Variants in TRPV5 observed in about 807,000 individuals in gnomAD.
TRPV5 encodes transient receptor potential cation channel subfamily V member 5.
A neutral mutation model predicts 74.1 loss-of-function variants in TRPV5; 66 were observed. That is an observed-to-expected ratio of 0.89 (90% CI 0.73 to 1.09). The LOEUF is 1.09. Ranked by LOEUF, TRPV5 falls within the 50% of genes least tolerant of loss-of-function variation. The pLI is 0.00. For missense variants in TRPV5, 936 were observed against 930.4 expected (o/e 1.01, Z -0.08); for synonymous variants, 399 against 360.7 (o/e 1.11, Z -1.20).
chr7:142,911,908 T>G (rs557523423), intron 13 of TRPV5, among the ~76,000 whole-genome samples: 3 of 152,208 alleles, frequency 2.0e-5, no homozygotes, highest in Non-Finnish European at 4.4e-5. Context: ...GCGACATAAA[T>G]GTCTAATAAC....
intron 13 of TRPV5, 129 bp from the exon 14 acceptor site, chr7:142,909,725 C>G (rs1162038951): frequency 2.2e-6 from 2 of 920,864 alleles, no homozygotes; most frequent in Non-Finnish European, 1.6e-6. Context: ...GTGGTGAGAA[C>G]AGCCACCTAT....
In TRPV5 at chr7:142,930,401, C is replaced by G; in HGVS notation, c.174G>C (p.Leu58=). Residue 58 remains leucine (L), a synonymous_variant, in exon 2 of 15, where the codon CTG becomes CTC. Transcript: ENST00000265310. ...CCAGTAGAAGTTGCCTAAGAACAGACAGGTCATTTTCCTTGGATGCTCGAA... is the reference window on the plus strand; with the variant it reads ...CCAGTAGAAGTTGCCTAAGAACAGAGAGGTCATTTTCCTTGGATGCTCGAA... ...PLLRASKEND[L]SVLRQLLLDC... is the part of the protein sequence containing the mutation. 1.2e-6 allele frequency: 2 copies of G among 1,614,196 alleles called. No individual in the cohort carries two copies. The highest frequency in any genetic ancestry group is 1.7e-6 in the Non-Finnish European group (2 of 1,180,038).
rs147641995 is a variant in TRPV5 at position 142,929,069 on chromosome 7, C to T, written c.539G>A (p.Arg180Gln). Residue 180 changes from arginine to glutamine, a missense_variant, in exon 5 of 15, where the codon CGG becomes CAG. Coordinates refer to ENST00000265310, the MANE Select transcript of TRPV5 (RefSeq NM_019841.7). Reference sequence around the variant, plus strand: ...GTCAGCTCCATGCTCAATGAGCAGCCGCACGATCTCCTCGCTGTTCACACA... The same window carrying T: ...GTCAGCTCCATGCTCAATGAGCAGCTGCACGATCTCCTCGCTGTTCACACA... ...AACVNSEEIV[R>Q]LLIEHGADIR... 2.5e-5 allele frequency: 40 copies of T among 1,613,972 alleles called. No homozygotes were observed. The East Asian group carries it at 2.9e-4, about 12-fold the overall frequency.
chr7:142,924,565 T>A (rs143179476), intron 8 of TRPV5, among the ~76,000 whole-genome samples: 2 of 151,724 alleles, frequency 1.3e-5, no homozygotes, highest in Non-Finnish European at 2.9e-5. Flanking sequence ...GTTTATATTC[T>A]CTTTCCGACT....
chr7:142,930,957 A>T (rs1247121803), intron 1 of TRPV5, among the ~76,000 whole-genome samples: 1 of 150,556 alleles, frequency 6.6e-6, no homozygotes, highest in Non-Finnish European at 1.5e-5. Context: ...GATCTTTCCT[A>T]GGCATTTTGA....
At chr7:142,911,981 A>G (rs1015401430) in intron 13 of TRPV5, among the ~76,000 whole-genome samples, 4 of 152,204 alleles carry the variant, frequency 2.6e-5, no homozygotes, top group Non-Finnish European at 4.4e-5. Flanking sequence ...TTGCAAGATA[A>G]TAAGGTACTA....
intron 8 of TRPV5, among the ~76,000 whole-genome samples, chr7:142,919,680 T>G (rs1012792632): frequency 1.3e-5 from 2 of 152,208 alleles, no homozygotes; most frequent in African/African-American, 4.8e-5. Flanking sequence ...CAGGCTGGCA[T>G]TTATACGTCA....
chr7:142,930,078 G>A lies in TRPV5; in HGVS notation c.329C>T (p.Thr110Ile), dbSNP rs745595894. Residue 110 changes from threonine to isoleucine, a missense_variant, in exon 3 of 15, where the codon ACC becomes ATC. Coordinates refer to ENST00000265310, the MANE Select transcript of TRPV5 (RefSeq NM_019841.7). ...EAAPELVFEP[T>I]TCEAFAGQTA... ...CTTACCTGCAAAAGCCTCACATGTG[G>A]TGGGCTCAAAGACCAGCTCTGGGGC... 2.5e-6 allele frequency: 4 copies of A among 1,614,008 alleles called. No homozygotes were observed. In the African/African-American group the frequency reaches 5.3e-5, roughly 22 times the overall value.
At position 142,933,642 on chromosome 7, in the gene TRPV5, T is replaced by A. The variant is rs1340864646; in HGVS notation, c.-183A>T. 1.3e-6 allele frequency: 1 copy of A among 751,164 alleles called. No individual in the cohort carries two copies. Among genetic ancestry groups the A allele is most frequent in the Non-Finnish European group, 2.1e-6 (1 of 467,728 alleles). The allele number at this position is 751,164 out of a possible 1,614,324, so 46.5% of individuals were successfully genotyped here. ...GTGTGTGTGCATGCAGTATGTGGGT[T>A]GTGGGGTGTGCGTGTATGCACAGTG... On this transcript the variant is annotated 5_prime_UTR_variant, in exon 1 of 15. Transcript: ENST00000265310.
chr7:142,915,591 A>C, intron 8 of TRPV5, 23 bp from the exon 9 acceptor site: 1 of 1,609,646 alleles, frequency 6.2e-7, no homozygotes, highest in Non-Finnish European at 8.5e-7. Flanking sequence ...ATTCAGAAGA[A>C]GTGCTTTCTG....
intron 14 of TRPV5, 122 bp downstream of exon 14, chr7:142,909,368 C>T (rs1350945831): frequency 1.0e-5 from 10 of 986,536 alleles, no homozygotes; most frequent in Non-Finnish European, 1.5e-5. Flanking sequence ...CGTACCCCTC[C>T]ACTTCAGCTC....
At chr7:142,921,956 T>C (rs921803125) in intron 8 of TRPV5, among the ~76,000 whole-genome samples, 2 of 152,204 alleles carry the variant, frequency 1.3e-5, no homozygotes, top group Non-Finnish European at 2.9e-5. Flanking sequence ...AATTCATACC[T>C]AGATCTCAGC....
In TRPV5 at chr7:142,925,584, C is replaced by T. The variant is rs1285051233; in HGVS notation, c.1067G>A (p.Gly356Asp). 7 of 1,614,154 alleles carry T rather than the reference C, an allele frequency of 4.3e-6. No homozygotes were observed. In the South Asian group the frequency reaches 5.5e-5, roughly 13 times the overall value. ...CCVYRPLKFRGGNRTHSRDIT... is the reference protein window; with the variant it reads ...CCVYRPLKFRDGNRTHSRDIT... ...GTCTCGAGAATGAGTGCGGTTGCCA[C>T]CACGAAACTTAAGGGGGCGGTAGAC... is the stretch of plus-strand genomic sequence containing the variant. Residue 356 changes from glycine (G) to aspartate (D), a missense_variant, in exon 8 of 15, where the codon GGT (glycine) becomes GAT (aspartate). Physicochemically the swap from Gly to Asp is moderately conservative, Grantham distance 94 (BLOSUM62 -1). Transcript: ENST00000265310.
intron 8 of TRPV5, among the ~76,000 whole-genome samples, chr7:142,918,250 T>G (rs576546074): frequency 6.6e-6 from 1 of 152,344 alleles, no homozygotes; most frequent in East Asian, 1.9e-4. Flanking sequence ...AGATGCTGAT[T>G]CACAACTCTC....
intron 5 of TRPV5, 35 bp downstream of exon 5, chr7:142,928,986 CA>C: frequency 6.2e-7 from 1 of 1,613,434 alleles, no homozygotes; most frequent in South Asian, 1.1e-5. Flanking sequence ...TCGCTCCCCA[CA>C]GCATCCCAGC....
Position 142,908,724 on chromosome 7 carries a change from C to A in TRPV5, c.1980G>T (p.Gln660His). 1 of 1,614,156 alleles carries A rather than the reference C, an allele frequency of 6.2e-7. No homozygotes were observed. The highest frequency in any genetic ancestry group is 8.5e-7 in the Non-Finnish European group (1 of 1,180,030). The stretch of plus-strand genomic sequence containing the variant: ...AGGGCTGTTTCTCAGATGGATGCTC[C>A]TGGTCATCCTCCTTGTCTGAGTTCT... ...VFKNSDKEDD[Q>H]EHPSEKQPSG... Residue 660 changes from glutamine to histidine, a missense_variant, in exon 15 of 15, where the codon CAG becomes CAT. Gln to His is a conservative substitution (Grantham distance 24). Coordinates refer to ENST00000265310, the MANE Select transcript of TRPV5 (RefSeq NM_019841.7).
intron 8 of TRPV5, among the ~76,000 whole-genome samples, chr7:142,920,540 G>A (rs1256686090): frequency 1.3e-5 from 2 of 152,194 alleles, no homozygotes; most frequent in Admixed American, 1.3e-4. Context: ...CTAGCCAATA[G>A]AGAAGACTGG....
chr7:142,910,119 C>G (rs1420044340), intron 13 of TRPV5, among the ~76,000 whole-genome samples: 2 of 152,134 alleles, frequency 1.3e-5, no homozygotes, highest in Non-Finnish European at 2.9e-5. Context: ...TCATTAATTA[C>G]TTAGATGAAA....
Position 142,914,690 on chromosome 7 carries a change from A to G in TRPV5, c.1469T>C (p.Leu490Pro). ...AGCCATCAGCCAGCAGAAACGCATT[A>G]GGTCTCCAAAAATCATCTGCAGGAA... Reference protein sequence around the residue: ...IMIQKMIFGDLMRFCWLMAVV... With the variant: ...IMIQKMIFGDPMRFCWLMAVV... Residue 490 changes from leucine to proline, a missense_variant, in exon 12 of 15, where the codon CTA (leucine) becomes CCA (proline). Coordinates refer to ENST00000265310, the MANE Select transcript of TRPV5 (RefSeq NM_019841.7). 6.2e-7 allele frequency: 1 copy of G among 1,613,864 alleles called. No individual in the cohort carries two copies. The highest frequency in any genetic ancestry group is 8.5e-7 in the Non-Finnish European group (1 of 1,179,884).
Sources: gnomAD v4.1 joint callset for allele counts (sites outside exome capture counted in the v4.1 genomes callset) on GRCh38, gnomAD v4.1.1 for gene constraint, MANE v1.5 for transcripts, NCBI Gene and HGNC (gene_info 2026-07-23, HGNC 2026-07-21) for gene names.